The following KALRN variants were observed in gnomAD, a reference collection of about 807,000 sequenced individuals.
The protein encoded by KALRN is kalirin.
Under a neutral mutation model 353.7 loss-of-function variants are expected in KALRN, and 70 were observed. The observed-to-expected ratio is 0.20, with a 90% CI of 0.16 to 0.24. The LOEUF is 0.24. KALRN is among the 10% of genes least tolerant of loss of function. The pLI is 1.00. For synonymous variants in KALRN, 1,391 were observed against 1,434.8 expected (o/e 0.97, Z 0.69); for missense variants, 2,791 against 3,756.7 (o/e 0.74, Z 6.72).
intron 34 of KALRN, among the ~76,000 whole-genome samples, chr3:124,566,780 A>G (rs529369888): frequency 1.3e-5 from 2 of 152,322 alleles, no homozygotes; most frequent in Non-Finnish European, 2.9e-5. Flanking sequence ...TAAGTTATGC[A>G]CAACTAGATT....
At chr3:124,152,308 G>T in intron 1 of KALRN, 1 of 1,214,354 alleles carries the variant, frequency 8.2e-7, no homozygotes, top group Non-Finnish European at 1.2e-6. Flanking sequence ...CATATTAATT[G>T]AAGTCTTGTT....
intron 27 of KALRN, among the ~76,000 whole-genome samples, chr3:124,481,453 C>T (rs11916507): frequency 4.9e-4 from 74 of 152,262 alleles, no homozygotes; most frequent in Non-Finnish European, 9.1e-4. Context: ...GTGATCCTCC[C>T]GCCTCGGCCT....
At chr3:124,307,284 G>T (rs1421682173) in intron 6 of KALRN, among the ~76,000 whole-genome samples, 2 of 152,020 alleles carry the variant, frequency 1.3e-5, no homozygotes, top group Non-Finnish European at 2.9e-5. Flanking sequence ...TAGTCCAGAT[G>T]ATAACTTGAA....
intron 34 of KALRN, among the ~76,000 whole-genome samples, chr3:124,624,442 C>T (rs2079696154): frequency 6.6e-6 from 1 of 152,094 alleles, no homozygotes; most frequent in Admixed American, 6.6e-5. Flanking sequence ...GGTTTGATAC[C>T]ATCTGTAGTT....
chr3:124,610,637 G>GA (rs201630418), intron 34 of KALRN, among the ~76,000 whole-genome samples: 1 of 117,190 alleles, frequency 8.5e-6, no homozygotes, highest in African/African-American at 3.1e-5. Context: ...CTAACCCTGG[G>GA]GGGGGCGGCT....
chr3:124,270,065 G>A (rs992685222), intron 5 of KALRN, among the ~76,000 whole-genome samples: 1 of 152,194 alleles, frequency 6.6e-6, no homozygotes, highest in African/African-American at 2.4e-5. Context: ...GTGCCTCTTT[G>A]CTGAGGATAC....
chr3:124,034,024 C>A (rs891461602), intron 1 of KALRN, among the ~76,000 whole-genome samples: 1 of 152,154 alleles, frequency 6.6e-6, no homozygotes, highest in Admixed American at 6.5e-5. Context: ...GAACTCCGCG[C>A]CCCTCCGCCT....
intron 10 of KALRN, among the ~76,000 whole-genome samples, chr3:124,380,833 A>C (rs1488363092): frequency 6.6e-6 from 1 of 152,216 alleles, no homozygotes; most frequent in Admixed American, 6.5e-5. Flanking sequence ...AGGATATACC[A>C]AATAAAATTG....
At chr3:124,157,132 C>G (rs774471636) in intron 1 of KALRN, among the ~76,000 whole-genome samples, 1 of 152,132 alleles carries the variant, frequency 6.6e-6, no homozygotes, top group Non-Finnish European at 1.5e-5. Context: ...ATTTATCTCT[C>G]TAGAGATATT....
At chr3:124,468,210 T>G (rs2060531911) in intron 25 of KALRN, among the ~76,000 whole-genome samples, 2 of 152,212 alleles carry the variant, frequency 1.3e-5, no homozygotes, top group South Asian at 4.1e-4. Flanking sequence ...ACAGGGAAGT[T>G]AAATTTTGAA....
At chr3:124,166,772 C>T (rs2070921755) in intron 1 of KALRN, among the ~76,000 whole-genome samples, 1 of 152,180 alleles carries the variant, frequency 6.6e-6, no homozygotes, top group Non-Finnish European at 1.5e-5. Flanking sequence ...GGCGTGGTGG[C>T]TCATACCTGT....
intron 14 of KALRN, among the ~76,000 whole-genome samples, chr3:124,417,159 T>C (rs1198562673): frequency 6.6e-6 from 1 of 152,226 alleles, no homozygotes; most frequent in African/African-American, 2.4e-5. Context: ...AGTTGGGAGA[T>C]GGTAGGTTTT....
At chr3:124,041,717 TGCAGA>T (rs2039985209) in intron 1 of KALRN, among the ~76,000 whole-genome samples, 1 of 152,250 alleles carries the variant, frequency 6.6e-6, no homozygotes, top group African/African-American at 2.4e-5. Context: ...TTTCTCTGGA[TGCAGA>T]GGAAAGTTCA....
chr3:124,212,701 G>A (rs564262602), intron 1 of KALRN, among the ~76,000 whole-genome samples: 20 of 152,162 alleles, frequency 1.3e-4, no homozygotes, highest in Admixed American at 2.6e-4. Flanking sequence ...TTCTGAAAAG[G>A]TTGAAGCAAT....
intron 37 of KALRN, among the ~76,000 whole-genome samples, 157 bp from the exon 38 acceptor site, chr3:124,650,651 A>G (rs956530778): frequency 3.3e-5 from 5 of 152,348 alleles, no homozygotes; most frequent in Admixed American, 2.6e-4. Flanking sequence ...CTGCAGGAGG[A>G]TAAAGTCTCT....
intron 37 of KALRN, among the ~76,000 whole-genome samples, chr3:124,644,985 T>G (rs2082523784): frequency 6.6e-6 from 1 of 152,198 alleles, no homozygotes; most frequent in African/African-American, 2.4e-5. Flanking sequence ...CTCTCCAGGA[T>G]CTGTTGTTTC....
intron 34 of KALRN, among the ~76,000 whole-genome samples, chr3:124,573,789 T>A (rs528313524): frequency 6.6e-6 from 1 of 152,352 alleles, no homozygotes; most frequent in Admixed American, 6.5e-5. Flanking sequence ...TCTGGCTCCG[T>A]GATTTCCCAA....
intron 10 of KALRN, among the ~76,000 whole-genome samples, chr3:124,369,433 C>A (rs1290897090): frequency 6.6e-6 from 1 of 152,154 alleles, no homozygotes; most frequent in East Asian, 1.9e-4. Flanking sequence ...AGTTATCTTG[C>A]ACATCTTTCT....
At chr3:124,684,547 T>C (rs2061475011) in intron 51 of KALRN, among the ~76,000 whole-genome samples, 1 of 152,168 alleles carries the variant, frequency 6.6e-6, no homozygotes, top group Admixed American at 6.5e-5. Flanking sequence ...GCTGGCCAGT[T>C]AGCCTTTCTG....
Sources: allele counts gnomAD v4.1 joint callset (sites outside exome capture counted in the v4.1 genomes callset), GRCh38; gene constraint gnomAD v4.1.1; transcripts MANE v1.5; gene names NCBI Gene and HGNC (gene_info 2026-07-23, HGNC 2026-07-21).